Variants in SLC28A1 observed in about 807,000 individuals in gnomAD.
The protein encoded by SLC28A1 is sodium/nucleoside cotransporter 1.
In SLC28A1, 64 loss-of-function variants were observed where a neutral mutation model predicts 74.8. The ratio of observed to expected loss-of-function variants is 0.86; its 90% CI spans 0.70 to 1.05. SLC28A1 has a LOEUF of 1.05. Ranked by LOEUF, SLC28A1 falls within the 50% of genes least tolerant of loss-of-function variation. SLC28A1 has a pLI of 0.00. For synonymous variants in SLC28A1, 359 were observed against 335.0 expected (o/e 1.07, Z -0.78); for missense variants, 828 against 822.8 (o/e 1.01, Z -0.08).
In SLC28A1 at chr15:84,938,982, G is replaced by A. The variant is rs540344475; in HGVS notation, c.1581+3464G>A. 3.3e-5 allele frequency among the ~76,000 whole-genome samples: 5 copies of A among 152,294 alleles called. 1 individual carries two copies. The South Asian group carries it at 6.2e-4, about 19-fold the overall frequency. ...GAGCAGGTGGTAATCACAGGCCAAGGAACAGTTGGAAATCACTGAAGATTT... is the reference window on the plus strand; with the variant it reads ...GAGCAGGTGGTAATCACAGGCCAAGAAACAGTTGGAAATCACTGAAGATTT... On this transcript the variant is annotated intron_variant, in intron 15 of 18. Coordinates refer to ENST00000394573, the MANE Select transcript of SLC28A1 (RefSeq NM_004213.5).
chr15:84,962,693 C>T, the SLC28A1 span, among the ~76,000 whole-genome samples: 1 of 151,918 alleles, frequency 6.6e-6, no homozygotes, highest in South Asian at 2.1e-4. Context: ...ATGTGAGTCA[C>T]TGCACCAGGC....
At chr15:84,949,345 G>A (rs762702746), downstream of SLC28A1, among the ~76,000 whole-genome samples, 2 of 152,164 alleles carry the variant, frequency 1.3e-5, no homozygotes, top group Admixed American at 1.3e-4. Context: ...GTCTTAGGAG[G>A]ATATTTGAAA....
chr15:84,887,938 C>A, intron 3 of SLC28A1, 82 bp downstream of exon 3: 1 of 977,326 alleles, frequency 1.0e-6, no homozygotes, highest in Non-Finnish European at 1.7e-6. Context: ...GAGGCTTTTG[C>A]TCACCACCTT....
chr15:84,913,281 T>C (rs528462069), intron 9 of SLC28A1, among the ~76,000 whole-genome samples: 2 of 152,130 alleles, frequency 1.3e-5, no homozygotes, highest in Non-Finnish European at 2.9e-5. Flanking sequence ...CTGTCGACAG[T>C]GCTCAAGCCT....
the SLC28A1 span, among the ~76,000 whole-genome samples, chr15:84,963,921 A>G: frequency 6.6e-5 from 10 of 151,666 alleles, no homozygotes; most frequent in African/African-American, 2.4e-4. Context: ...AAGGAGTTGC[A>G]CTCTCCTTCC....
At chr15:84,909,589 T>G (rs12916177) in intron 9 of SLC28A1, among the ~76,000 whole-genome samples, 15,362 of 152,222 alleles carry the variant, frequency 0.1, 1,030 homozygotes, top group Admixed American at 0.13. Flanking sequence ...CCTAGTTCAT[T>G]GTTTAAGCAC....
chr15:84,886,329 T>C, intron 1 of SLC28A1: 1 of 984,256 alleles, frequency 1.0e-6, no homozygotes, highest in South Asian at 4.7e-5. Context: ...AAATGAAAGA[T>C]AAAATGCAAA....
chr15:84,928,531 T>TTCG (rs1567171858), intron 12 of SLC28A1, among the ~76,000 whole-genome samples: 612 of 43,300 alleles, frequency 0.014, 23 homozygotes, highest in East Asian at 0.027. Flanking sequence ...TCGTTCGTTC[T>TTCG]TTCTTTCTTT....
chr15:84,947,966 A>G (rs2079289540), downstream of SLC28A1, among the ~76,000 whole-genome samples: 1 of 151,644 alleles, frequency 6.6e-6, no homozygotes, highest in African/African-American at 2.4e-5. Context: ...CTATTCTAAA[A>G]TTTAATAGTT....
At chr15:84,912,574 G>T (rs545225713) in intron 9 of SLC28A1, among the ~76,000 whole-genome samples, 2 of 151,914 alleles carry the variant, frequency 1.3e-5, no homozygotes, top group Non-Finnish European at 2.9e-5. Context: ...CTTTCCACCC[G>T]CATGATCATA....
the SLC28A1 span, among the ~76,000 whole-genome samples, chr15:84,973,041 TCATGGCTGACAAGGCCCTG>T: frequency 1.3e-5 from 2 of 150,424 alleles, no homozygotes; most frequent in African/African-American, 5.0e-5. Flanking sequence ...AAAGTCCTTG[TCATGGCTGACAAGGCCCTG>T]CATGGTCTGA....
At chr15:84,942,774 G>T (rs1050768002) in intron 15 of SLC28A1, among the ~76,000 whole-genome samples, 7 of 151,926 alleles carry the variant, frequency 4.6e-5, no homozygotes, top group Non-Finnish European at 1.0e-4. Context: ...CCAGGACTGC[G>T]GGGTCAGGGA....
the SLC28A1 span, chr15:84,975,418 A>G: frequency 2.2e-6 from 1 of 453,434 alleles, no homozygotes; most frequent in Non-Finnish European, 4.4e-6. Context: ...TCTCGACAAC[A>G]TTAGATAATA....
At chr15:84,904,901 T>C (rs72754907) in intron 7 of SLC28A1, among the ~76,000 whole-genome samples, 5,694 of 152,324 alleles carry the variant, frequency 0.037, 138 homozygotes, top group Non-Finnish European at 0.055. Context: ...TCTGCCTCCA[T>C]AGCATAAGAT....
chr15:84,911,222 C>T lies in SLC28A1; in HGVS notation c.795+2427C>T, dbSNP rs1277512627. On this transcript the variant is annotated intron_variant, in intron 9 of 18. Coordinates refer to ENST00000394573, the MANE Select transcript of SLC28A1 (RefSeq NM_004213.5). ...TGGCCACATTAGCTATGTCTCCTCC[C>T]AGCCTGCCTCCCTCTCTGGAAGGAT... 3.3e-5 allele frequency among the ~76,000 whole-genome samples: 5 copies of T among 152,336 alleles called. No individual in the cohort carries two copies. The East Asian group carries it at 9.7e-4, about 29-fold the overall frequency.
chr15:84,918,541 C>G lies in SLC28A1; in HGVS notation c.813C>G (p.Val271=). Reference sequence around the variant, plus strand: ...CCCGGCAGGTTCTGCCCATCATTGTCTTTTTCAGCTGTGTCATATCCGTTC... The same window carrying G: ...CCCGGCAGGTTCTGCCCATCATTGTGTTTTTCAGCTGTGTCATATCCGTTC... ...VFAFQVLPII[V]FFSCVISVLY... Residue 271 remains valine, a synonymous_variant, in exon 10 of 19, where the codon GTC becomes GTG. Transcript: ENST00000394573. The G allele has an allele frequency of 1.2e-6, 2 of 1,613,916 alleles. No homozygotes were observed. Among genetic ancestry groups the G allele is most frequent in the Non-Finnish European group, 1.7e-6 (2 of 1,179,876 alleles).
rs376019418 is a variant in SLC28A1, at chr15:84,945,137, G to A, written c.1887G>A (p.Glu629=). 1 of 1,614,116 alleles carries A rather than the reference G, an allele frequency of 6.2e-7. No individual in the cohort carries two copies. Among genetic ancestry groups the A allele is most frequent in the Non-Finnish European group, 8.5e-7 (1 of 1,180,012 alleles). Residue 629 remains glutamate (E), a synonymous_variant, in exon 19 of 19, where the codon GAG becomes GAA. Coordinates refer to ENST00000394573, the MANE Select transcript of SLC28A1 (RefSeq NM_004213.5). ...GCTTTCTTTTTAGCGTCAATCCAGA[G>A]TTCAGCCCAGAGGCCCTGGACAACT... ...CREAFQSVNP[E]FSPEALDNCC...
chr15:84,918,515 T>A lies in SLC28A1; in HGVS notation c.796-9T>A. Reference sequence around the variant, plus strand: ...CTAACCTGCGGTCCTATGATCTCCTTCCCGGCAGGTTCTGCCCATCATTGT... The same window carrying A: ...CTAACCTGCGGTCCTATGATCTCCTACCCGGCAGGTTCTGCCCATCATTGT... On this transcript the variant is annotated splice_polypyrimidine_tract_variant and intron_variant, in intron 9 of 18. Transcript: ENST00000394573. 6.2e-7 allele frequency: 1 copy of A among 1,612,378 alleles called. No homozygotes were observed. The highest frequency in any genetic ancestry group is 8.5e-7 in the Non-Finnish European group (1 of 1,178,530).
chr15:84,908,851 G>C, intron 9 of SLC28A1, 56 bp downstream of exon 9: 1 of 1,433,438 alleles, frequency 7.0e-7, no homozygotes, highest in South Asian at 1.1e-5. Context: ...AGCGACTCCA[G>C]CTAGAGGGGA....
Sources: allele counts gnomAD v4.1 joint callset (sites outside exome capture counted in the v4.1 genomes callset), GRCh38; gene constraint gnomAD v4.1.1; transcripts MANE v1.5; gene names NCBI Gene and HGNC (gene_info 2026-07-23, HGNC 2026-07-21).